Variants in SKIC2 observed in about 807,000 individuals in gnomAD.
SKIC2 encodes the protein superkiller complex protein 2.
the SKIC2 span, chr6:31,961,082 T>C: frequency 6.2e-7 from 1 of 1,613,468 alleles, no homozygotes; most frequent in Non-Finnish European, 8.5e-7. Context: ...AGGCATGGAC[T>C]TTGCACCAAA....
chr6:31,967,081 C>T, the SKIC2 span: 6 of 1,612,746 alleles, frequency 3.7e-6, no homozygotes, highest in African/African-American at 2.7e-5. The surrounding 1 kb of genome is among the most constrained non-coding windows in gnomAD (Gnocchi z 4.9). Context: ...GCCAACTGGT[C>T]GACCTGCCTG....
chr6:31,962,923 TC>T, the SKIC2 span: 1 of 1,407,730 alleles, frequency 7.1e-7, no homozygotes, highest in Non-Finnish European at 1.0e-6. This position sits in a 1 kb window ranked among gnomAD's most constrained non-coding sequence, Gnocchi z 5.0. Context: ...ATCCTGTGCC[TC>T]TTTATGGGCA....
chr6:31,962,289 A>T, the SKIC2 span: 1 of 977,616 alleles, frequency 1.0e-6, no homozygotes, highest in Non-Finnish European at 1.6e-6. This position sits in a 1 kb window ranked among gnomAD's most constrained non-coding sequence, Gnocchi z 5.0. Flanking sequence ...TTCTGGGGTT[A>T]TATCATGCAG....
At chr6:31,966,288 T>A in the SKIC2 span, among the ~76,000 whole-genome samples, 1 of 151,302 alleles carries the variant, frequency 6.6e-6, no homozygotes, top group African/African-American at 2.4e-5. The surrounding 1 kb of genome is among the most constrained non-coding windows in gnomAD (Gnocchi z 5.9). Flanking sequence ...TTATGCTTTG[T>A]AGAGATGAGG....
the SKIC2 span, chr6:31,962,315 G>A: frequency 3.4e-6 from 4 of 1,159,570 alleles, no homozygotes; most frequent in African/African-American, 1.5e-5. The surrounding 1 kb of genome is among the most constrained non-coding windows in gnomAD (Gnocchi z 5.0). Flanking sequence ...TGTAAGGGCA[G>A]TTTGGGTGAA....
the SKIC2 span, chr6:31,960,246 G>T: frequency 4.3e-6 from 7 of 1,613,070 alleles, no homozygotes; most frequent in South Asian, 2.2e-5. Flanking sequence ...ACGGATCCCT[G>T]GTCTCTTTTG....
At chr6:31,962,485 C>T in the SKIC2 span, 45 of 1,614,008 alleles carry the variant, frequency 2.8e-5, no homozygotes, top group South Asian at 4.4e-5. This position sits in a 1 kb window ranked among gnomAD's most constrained non-coding sequence, Gnocchi z 5.0. Context: ...CCAGAAGTTC[C>T]GGGACTTCCG....
At chr6:31,965,958 T>A in the SKIC2 span, 1 of 1,612,208 alleles carries the variant, frequency 6.2e-7, no homozygotes, top group South Asian at 1.1e-5. The surrounding 1 kb of genome is among the most constrained non-coding windows in gnomAD (Gnocchi z 5.6). Context: ...GGCACCGTTA[T>A]CCTGCTCTGC....
the SKIC2 span, chr6:31,959,955 T>A: frequency 1.6e-6 from 2 of 1,249,704 alleles, no homozygotes; most frequent in Non-Finnish European, 2.4e-6. Context: ...ATCTCTTTTG[T>A]CTGCATTTTA....
chr6:31,960,215 T>C, the SKIC2 span: 35 of 1,612,240 alleles, frequency 2.2e-5, no homozygotes, highest in Non-Finnish European at 2.8e-5. Context: ...TATTTTTCTC[T>C]CCAGAAAATG....
the SKIC2 span, chr6:31,967,575 C>T: frequency 1.4e-4 from 132 of 961,268 alleles, no homozygotes; most frequent in Non-Finnish European, 1.8e-4. The surrounding 1 kb of genome is among the most constrained non-coding windows in gnomAD (Gnocchi z 4.9). Context: ...CTGCTCTGAT[C>T]GCTTGACTTG....
chr6:31,961,164 G>A, the SKIC2 span: 2 of 1,608,324 alleles, frequency 1.2e-6, no homozygotes, highest in Non-Finnish European at 1.7e-6. Context: ...AGATGGACAT[G>A]ACAAGGTTGA....
At chr6:31,959,380 C>T in the SKIC2 span, 1 of 1,613,154 alleles carries the variant, frequency 6.2e-7, no homozygotes, top group Non-Finnish European at 8.5e-7. Flanking sequence ...GCTGAACTTG[C>T]CTGGAGCTCC....
chr6:31,967,094 T>G, the SKIC2 span: 1 of 1,612,756 alleles, frequency 6.2e-7, no homozygotes, highest in Non-Finnish European at 8.5e-7. This position sits in a 1 kb window ranked among gnomAD's most constrained non-coding sequence, Gnocchi z 4.9. Context: ...CCTGCCTGAA[T>G]ATTACAGCTG....
At chr6:31,961,624 C>T in the SKIC2 span, 2 of 1,612,926 alleles carry the variant, frequency 1.2e-6, no homozygotes, top group African/African-American at 2.7e-5. Context: ...CTGTGGACGC[C>T]ACCTCCCCTG....
the SKIC2 span, chr6:31,960,947 A>G: frequency 5.9e-6 from 6 of 1,009,430 alleles, no homozygotes; most frequent in Non-Finnish European, 9.5e-6. Context: ...TATCTACAGC[A>G]TCTGTCCTGT....
the SKIC2 span, chr6:31,963,976 G>A: frequency 6.2e-7 from 1 of 1,612,470 alleles, no homozygotes; most frequent in Non-Finnish European, 8.5e-7. This position sits in a 1 kb window ranked among gnomAD's most constrained non-coding sequence, Gnocchi z 5.3. Context: ...GCCCGTGGTG[G>A]TGTTCACCTT....
At chr6:31,962,833 C>A in the SKIC2 span, 1 of 1,505,976 alleles carries the variant, frequency 6.6e-7, no homozygotes, top group Non-Finnish European at 9.2e-7. The surrounding 1 kb of genome is among the most constrained non-coding windows in gnomAD (Gnocchi z 5.0). Context: ...CCCGGCAGTC[C>A]TCTCCTTTGG....
the SKIC2 span, chr6:31,969,603 T>C: frequency 5.0e-6 from 8 of 1,613,194 alleles, no homozygotes; most frequent in Non-Finnish European, 6.8e-6. The surrounding 1 kb of genome is among the most constrained non-coding windows in gnomAD (Gnocchi z 6.1). Flanking sequence ...TGTCGCTCAC[T>C]GCGGGGGGCA....
Sources: allele counts gnomAD v4.1 joint callset (sites outside exome capture counted in the v4.1 genomes callset), GRCh38; gene constraint gnomAD v4.1.1; non-coding constraint Gnocchi (gnomAD v3.1); transcripts MANE v1.5; gene names NCBI Gene and HGNC (gene_info 2026-07-23, HGNC 2026-07-21).